Variants in TBC1D25 observed in about 807,000 individuals in gnomAD.
TBC1D25 encodes TBC1 domain family member 25.
A neutral mutation model predicts 38.8 loss-of-function variants in TBC1D25; 13 were observed. That is an observed-to-expected ratio of 0.34 (90% CI 0.22 to 0.53). The LOEUF (loss-of-function observed/expected upper bound fraction) is 0.53. TBC1D25 is among the 20% of genes least tolerant of loss of function. The pLI is 0.94. For synonymous variants in TBC1D25, 225 were observed against 255.6 expected, an observed-to-expected ratio of 0.88 and a Z score of 1.14; for missense variants, 372 against 600.0, an observed-to-expected ratio of 0.62 and a Z score of 3.97.
intron 3 of TBC1D25, 86 bp from the exon 4 acceptor site, chrX:48,558,811 C>G: frequency 3.5e-6 from 4 of 1,147,222 alleles, no homozygotes; most frequent in Non-Finnish European, 1.2e-6. Context: ...CTGCAGGTAG[C>G]CCGGCTTCAG....
Position 48,539,718 on chromosome X carries a change from C to T in TBC1D25, c.-80C>T, listed in dbSNP as rs1400224101. ...GCCTGCGCCCCGGCACGAGGTGGGGCGGCGGGCGTCAGTACAGTAGAGTGT... is the reference window on the plus strand; with the variant it reads ...GCCTGCGCCCCGGCACGAGGTGGGGTGGCGGGCGTCAGTACAGTAGAGTGT... On this transcript the variant is annotated 5_prime_UTR_variant, in exon 1 of 6. Coordinates refer to ENST00000376771, the MANE Select transcript of TBC1D25 (RefSeq NM_002536.4). 1.4e-5 allele frequency: 13 copies of T among 927,479 alleles called. No homozygotes were observed. The highest frequency in any genetic ancestry group is 4.2e-5 in the East Asian group (1 of 23,717). The allele number at this position is 927,479 out of a possible 1,213,427, so 76.4% of individuals were successfully genotyped here.
rs782239452 is a variant in TBC1D25, at chrX:48,559,687, G to A, written c.779G>A (p.Arg260His). ...CGAGAGCGGATGGACTACATGAAAC[G>A]CAAGAGCCGCGAGTATGAGCAGCTC... ...TGRERMDYMKRKSREYEQLKS... is the reference protein window; with the variant it reads ...TGRERMDYMKHKSREYEQLKS... The change falls in exon 6 of 6, where the codon CGC (arginine) becomes CAC (histidine). Residue 260 changes from arginine (R) to histidine (H), a missense_variant. Arg to His is a conservative substitution (Grantham distance 29). Transcript: ENST00000376771. 5 of 1,210,274 alleles carry A rather than the reference G, an allele frequency of 4.1e-6. No homozygotes were observed. In the African/African-American group the frequency reaches 8.7e-5, roughly 21 times the overall value.
intron 3 of TBC1D25, among the ~76,000 whole-genome samples, chrX:48,550,762 C>A (rs2061925306): frequency 9.0e-6 from 1 of 110,502 alleles, no homozygotes; most frequent in South Asian, 3.9e-4. Flanking sequence ...TGGGTTCACG[C>A]CATTCTCCTG....
chrX:48,541,272 C>T, intron 1 of TBC1D25, 61 bp from the exon 2 acceptor site: 2 of 1,038,740 alleles, frequency 1.9e-6, no homozygotes, highest in Middle Eastern at 5.7e-4. Context: ...CCACTCTGCA[C>T]CTCACTCTTC....
Position 48,544,899 on chromosome X carries a change from C to G in TBC1D25, c.264C>G (p.Gly88=). ...GKKNFGISYL[G]RDRLGQEVYL... is the part of the protein sequence containing the mutation. The stretch of plus-strand genomic sequence containing the variant: ...AGAACTTTGGCATCAGCTACCTGGG[C>G]CGGGACCGGCTAGGACAGGAAGTTT... The change falls in exon 3 of 6, where the codon GGC becomes GGG. Residue 88 remains glycine, a synonymous_variant. Coordinates refer to ENST00000376771, the MANE Select transcript of TBC1D25 (RefSeq NM_002536.4). 1 of 1,211,810 alleles carries G rather than the reference C, an allele frequency of 8.3e-7. No homozygotes were observed. Among genetic ancestry groups the G allele is most frequent in the Non-Finnish European group, 1.1e-6 (1 of 895,485 alleles).
intron 2 of TBC1D25, among the ~76,000 whole-genome samples, chrX:48,544,138 C>T (rs1556981024): frequency 9.0e-6 from 1 of 111,481 alleles, no homozygotes; most frequent in Non-Finnish European, 1.9e-5. Context: ...ATGAGCATCA[C>T]GCAACAAACT....
chrX:48,552,940 C>A (rs2061946799), intron 3 of TBC1D25, among the ~76,000 whole-genome samples: 1 of 109,636 alleles, frequency 9.1e-6, no homozygotes, highest in Non-Finnish European at 1.9e-5. Flanking sequence ...CAGAAGCGCA[C>A]CACCACACCC....
Position 48,549,315 on chromosome X carries a change from C to T in TBC1D25, c.388+4292C>T, listed in dbSNP as rs929862425. Among the ~76,000 whole-genome samples the T allele has an allele frequency of 1.8e-4, 20 of 112,412 alleles. 1 individual carries two copies. Among genetic ancestry groups the T allele is most frequent in the Admixed American group, 1.0e-3 (11 of 10,587 alleles). ...CCTCTCAAAGTGTTTGGATTACAGG[C>T]GGGAGCCACCGTGCCCAGCCCCCAA... is the stretch of plus-strand genomic sequence containing the variant. On this transcript the variant is annotated intron_variant, in intron 3 of 5. Coordinates refer to ENST00000376771, the MANE Select transcript of TBC1D25 (RefSeq NM_002536.4).
At chrX:48,551,803 A>AT (rs1397415949) in intron 3 of TBC1D25, among the ~76,000 whole-genome samples, 1 of 101,270 alleles carries the variant, frequency 9.9e-6, no homozygotes, top group Non-Finnish European at 2.0e-5. Flanking sequence ...TTTTTTTTGT[A>AT]TTTTTTAGTA....
chrX:48,556,336 C>G (rs782532730), intron 3 of TBC1D25, among the ~76,000 whole-genome samples: 9 of 111,711 alleles, frequency 8.1e-5, no homozygotes, highest in Non-Finnish European at 1.1e-4. Flanking sequence ...AGCCCTAAAT[C>G]CATTAAACCT....
chrX:48,552,429 G>A (rs1008785034), intron 3 of TBC1D25, among the ~76,000 whole-genome samples: 87 of 103,782 alleles, frequency 8.4e-4, no homozygotes, highest in African/African-American at 3.0e-3. Context: ...ATCTTGGCTC[G>A]CTGCAACCTC....
At chrX:48,541,636 A>G (rs1282494516) in intron 2 of TBC1D25, 194 bp downstream of exon 2, 4 of 469,569 alleles carry the variant, frequency 8.5e-6, no homozygotes, top group East Asian at 7.5e-5. Context: ...TCAGTTACCC[A>G]TGGTCAACCT....
At chrX:48,557,791 A>T (rs1186350029) in intron 3 of TBC1D25, among the ~76,000 whole-genome samples, 1 of 98,018 alleles carries the variant, frequency 1.0e-5, no homozygotes, top group Non-Finnish European at 2.0e-5. Flanking sequence ...CCTGGGCGAC[A>T]GAGTGAGACT....
chrX:48,548,671 T>C (rs782362286), intron 3 of TBC1D25, among the ~76,000 whole-genome samples: 1 of 111,697 alleles, frequency 9.0e-6, no homozygotes, highest in South Asian at 3.7e-4. Context: ...CTAATCTCAA[T>C]CCCCTACCCT....
intron 1 of TBC1D25, among the ~76,000 whole-genome samples, chrX:48,540,328 G>A (rs1165016079): frequency 1.2e-4 from 13 of 111,736 alleles, no homozygotes; most frequent in African/African-American, 3.9e-4. Context: ...TGACAGGCTC[G>A]TGGGTGGAGA....
chrX:48,559,729 A>G lies in TBC1D25; in HGVS notation c.821A>G (p.Gln274Arg). 1 of 1,212,015 alleles carries G rather than the reference A, an allele frequency of 8.3e-7. No individual in the cohort carries two copies. Among genetic ancestry groups the G allele is most frequent in the South Asian group, 1.8e-5 (1 of 57,001 alleles). The change falls in exon 6 of 6, where the codon CAG (glutamine) becomes CGG (arginine). Residue 274 changes from glutamine to arginine, a missense_variant. Physicochemically the swap from Gln to Arg is conservative, Grantham distance 43 (BLOSUM62 1). This residue lies in a region of TBC1D25 where 312 missense variants were observed against 549.3 expected (regional missense o/e 0.57). Coordinates refer to ENST00000376771, the MANE Select transcript of TBC1D25 (RefSeq NM_002536.4). ...GAGCAGCTCAAGAGCGAGTGGGCCC[A>G]GCGAGCGAACCCTGAGGACCTGGAA... ...EYEQLKSEWA[Q>R]RANPEDLEFI...
intron 3 of TBC1D25, among the ~76,000 whole-genome samples, chrX:48,555,906 G>C (rs1037235127): frequency 1.8e-5 from 2 of 109,274 alleles, no homozygotes; most frequent in African/African-American, 6.7e-5. Context: ...AAGAGTAACA[G>C]AGCAGTATTG....
chrX:48,560,999 C>T lies in TBC1D25; in HGVS notation c.*24C>T, dbSNP rs370192400. 31 of 1,159,573 alleles carry T rather than the reference C, an allele frequency of 2.7e-5. No homozygotes were observed. The highest frequency in any genetic ancestry group is 3.3e-5 in the Non-Finnish European group (29 of 872,594). On this transcript the variant is annotated 3_prime_UTR_variant, in exon 6 of 6. Coordinates refer to ENST00000376771, the MANE Select transcript of TBC1D25 (RefSeq NM_002536.4). ...GATCAGGCTTTCTCAAGCCCTCCAT[C>T]GGCCCCACCAGATCTCCATTCTTTG...
intron 3 of TBC1D25, among the ~76,000 whole-genome samples, chrX:48,551,093 T>C (rs782324827): frequency 8.9e-6 from 1 of 111,750 alleles, no homozygotes; most frequent in African/African-American, 3.2e-5. Context: ...GTTTGGGAAG[T>C]TTGACAATTT....
Sources: allele counts gnomAD v4.1 joint callset (sites outside exome capture counted in the v4.1 genomes callset), GRCh38; gene constraint gnomAD v4.1.1; regional missense constraint gnomAD v4.1.1; transcripts MANE v1.5; gene names NCBI Gene and HGNC (gene_info 2026-07-23, HGNC 2026-07-21).